The following TMEM161B variants were observed in gnomAD, a reference collection of about 807,000 sequenced individuals.
TMEM161B encodes the protein transmembrane protein 161B.
Under a neutral mutation model 61.8 loss-of-function variants are expected in TMEM161B, and 34 were observed. The observed-to-expected ratio is 0.55, with a 90% CI of 0.42 to 0.73. The LOEUF is 0.73. TMEM161B is among the 30% of genes least tolerant of loss of function. TMEM161B has a pLI of 0.00. For synonymous variants in TMEM161B, 167 were observed against 192.8 expected, an observed-to-expected ratio of 0.87 and a Z score of 1.11; for missense variants, 456 against 558.5, an observed-to-expected ratio of 0.82 and a Z score of 1.85.
At chr5:88,197,919 C>A in intron 10 of TMEM161B, 154 bp from the exon 11 acceptor site, 1 of 505,112 alleles carries the variant, frequency 2.0e-6, no homozygotes. Flanking sequence ...GATACATGTC[C>A]CCAAAATGAC....
At chr5:88,224,959 G>GTTTTTTTTTT (rs202011902) in intron 4 of TMEM161B, among the ~76,000 whole-genome samples, 6 of 101,202 alleles carry the variant, frequency 5.9e-5, no homozygotes, top group African/African-American at 7.7e-5. Context: ...CACAAAATAT[G>GTTTTTTTTTT]TTTTTGTTTT....
At chr5:88,238,759 A>T (rs554778030) in intron 2 of TMEM161B, among the ~76,000 whole-genome samples, 1 of 152,164 alleles carries the variant, frequency 6.6e-6, no homozygotes, top group Admixed American at 6.6e-5. Flanking sequence ...AAGGCTCATA[A>T]AATAATAATT....
downstream of TMEM161B, among the ~76,000 whole-genome samples, chr5:88,192,012 ATATATATATATAT>A (rs1299875212): frequency 1.1e-5 from 1 of 94,022 alleles, no homozygotes; most frequent in Non-Finnish European, 2.0e-5. Context: ...ATATATATAT[ATATATATATATAT>A]ATGTATATAG....
At position 88,199,025 on chromosome 5, in the gene TMEM161B, T is replaced by G. The variant is rs1293899510; in HGVS notation, c.1040A>C (p.Gln347Pro). ...TATTCGCCCCGCTTCTTTCTTCATCTGATCCACACATTTTTGGGCTAAATT... is the reference window on the plus strand; with the variant it reads ...TATTCGCCCCGCTTCTTTCTTCATCGGATCCACACATTTTTGGGCTAAATT... ...YLNLAQKCVD[Q>P]MKKEAGRIST... Residue 347 changes from glutamine (Q) to proline (P), a missense_variant, in exon 10 of 12, where the codon CAG becomes CCG. Physicochemically the swap from Gln to Pro is moderately conservative, Grantham distance 76. Around this residue, in one of 3 missense-constraint regions of TMEM161B, gnomAD observed 367 missense variants for 427.3 expected, o/e 0.86. Coordinates refer to ENST00000296595, the MANE Select transcript of TMEM161B (RefSeq NM_153354.5). 6.2e-7 allele frequency: 1 copy of G among 1,613,144 alleles called. No individual in the cohort carries two copies. Among genetic ancestry groups the G allele is most frequent in the African/African-American group, 1.3e-5 (1 of 74,928 alleles).
downstream of TMEM161B, among the ~76,000 whole-genome samples, chr5:88,187,997 T>C (rs959785003): frequency 2.0e-5 from 3 of 152,230 alleles, no homozygotes; most frequent in Non-Finnish European, 4.4e-5. Flanking sequence ...CAATGAACTA[T>C]ATAGAAATAG....
chr5:88,260,745 G>A (rs981022852), intron 1 of TMEM161B, among the ~76,000 whole-genome samples: 4 of 152,168 alleles, frequency 2.6e-5, no homozygotes, highest in African/African-American at 9.7e-5. Context: ...TTTTCACAAA[G>A]TCATTTTTAG....
chr5:88,207,249 G>A, intron 5 of TMEM161B, 69 bp from the exon 6 acceptor site: 1 of 1,390,448 alleles, frequency 7.2e-7, no homozygotes, highest in Non-Finnish European at 9.7e-7. Context: ...ATCTTTATAG[G>A]ACTTGATTGC....
downstream of TMEM161B, among the ~76,000 whole-genome samples, chr5:88,188,694 G>T (rs1748517530): frequency 6.6e-6 from 1 of 152,142 alleles, no homozygotes; most frequent in African/African-American, 2.4e-5. Context: ...ATCCAGCTGG[G>T]AGCGTCAGCA....
At chr5:88,235,739 G>A (rs893313904) in intron 2 of TMEM161B, among the ~76,000 whole-genome samples, 1 of 152,156 alleles carries the variant, frequency 6.6e-6, no homozygotes, top group Non-Finnish European at 1.5e-5. Flanking sequence ...TACTAAAACA[G>A]TCACTAATGA....
chr5:88,191,359 TTTA>T (rs1748830748), downstream of TMEM161B, among the ~76,000 whole-genome samples: 1 of 152,200 alleles, frequency 6.6e-6, no homozygotes, highest in Non-Finnish European at 1.5e-5. Context: ...TTCATCTTAA[TTTA>T]TTGTCTGCAT....
chr5:88,194,332 T>C (rs1435072780), downstream of TMEM161B, among the ~76,000 whole-genome samples: 5 of 152,202 alleles, frequency 3.3e-5, no homozygotes, highest in Non-Finnish European at 7.4e-5. Flanking sequence ...TTTCATTCTT[T>C]TTTTACGGCT....
Position 88,195,376 on chromosome 5 carries a change from T to C in TMEM161B, c.*835A>G, listed in dbSNP as rs935539940. ...AATATATTATATATTTAATATATAA[T>C]ATATATACAATACATACAGGTAGTC... On this transcript the variant is annotated 3_prime_UTR_variant, in exon 12 of 12. Coordinates refer to ENST00000296595, the MANE Select transcript of TMEM161B (RefSeq NM_153354.5). 4.2e-6 allele frequency: 3 copies of C among 720,622 alleles called. No homozygotes were observed. The highest frequency in any genetic ancestry group is 1.3e-4 in the Admixed American group (2 of 15,432). The allele number at this position is 720,622 out of a possible 1,614,324, so 44.6% of individuals were successfully genotyped here. A position where few individuals can be genotyped will look rare whatever the true frequency, so the allele number is the denominator to read the frequency against.
Position 88,240,903 on chromosome 5 carries a change from A to G in TMEM161B, c.17T>C (p.Ile6Thr). The change falls in exon 2 of 12, where the codon ATA (isoleucine) becomes ACA (threonine). Residue 6 changes from isoleucine to threonine, a missense_variant. Ile to Thr is a moderately conservative substitution (Grantham distance 89). Coordinates refer to ENST00000296595, the MANE Select transcript of TMEM161B (RefSeq NM_153354.5). MGVIGIQLVVTMVMAS... is the reference protein window; with the variant it reads MGVIGTQLVVTMVMAS... Reference sequence around the variant, plus strand: ...CATCACCATGGTAACAACCAGCTGTATACCTATCACACCCTGTGTAAAAAA... The same window carrying G: ...CATCACCATGGTAACAACCAGCTGTGTACCTATCACACCCTGTGTAAAAAA... 6.2e-7 allele frequency: 1 copy of G among 1,603,116 alleles called. No homozygotes were observed. Among genetic ancestry groups the G allele is most frequent in the Non-Finnish European group, 8.5e-7 (1 of 1,174,696 alleles).
At chr5:88,205,999 G>A in intron 7 of TMEM161B, 45 bp from the exon 8 acceptor site, 1 of 1,386,572 alleles carries the variant, frequency 7.2e-7, no homozygotes, top group Non-Finnish European at 9.9e-7. Context: ...TTTATAATTA[G>A]CTTTTGAAGA....
chr5:88,217,220 G>C (rs1022089096), intron 5 of TMEM161B, among the ~76,000 whole-genome samples: 1 of 152,156 alleles, frequency 6.6e-6, no homozygotes, highest in Non-Finnish European at 1.5e-5. Flanking sequence ...TCATACCACT[G>C]CACTACAGCC....
At chr5:88,228,133 C>A (rs981234575) in intron 3 of TMEM161B, among the ~76,000 whole-genome samples, 2 of 152,162 alleles carry the variant, frequency 1.3e-5, no homozygotes, top group Admixed American at 6.5e-5. Flanking sequence ...CCCAAACCAA[C>A]TGACGTCTTT....
chr5:88,203,087 T>A lies in TMEM161B; in HGVS notation c.801-12A>T, dbSNP rs1395787131. 6.7e-7 allele frequency: 1 copy of A among 1,491,684 alleles called. No individual in the cohort carries two copies. Among genetic ancestry groups the A allele is most frequent in the East Asian group, 2.3e-5 (1 of 44,082 alleles). The allele number at this position is 1,491,684 out of a possible 1,614,324, so 92.4% of individuals were successfully genotyped here. On this transcript the variant is annotated splice_polypyrimidine_tract_variant and intron_variant, in intron 8 of 11. Transcript: ENST00000296595. The stretch of plus-strand genomic sequence containing the variant: ...TATGAAGTAAAGTTCTGAAAGTACG[T>A]AAGAAATAAATATAAAAATTCAGAA...
At chr5:88,225,203 A>AGG in intron 4 of TMEM161B, among the ~76,000 whole-genome samples, 1 of 152,052 alleles carries the variant, frequency 6.6e-6, no homozygotes, top group Middle Eastern at 3.4e-3. Context: ...TCCTGACCTC[A>AGG]TGATCCGCCC....
At chr5:88,199,393 A>C (rs1743938879) in intron 9 of TMEM161B, 1 of 335,762 alleles carries the variant, frequency 3.0e-6, no homozygotes, top group Admixed American at 4.7e-5. Flanking sequence ...AAAGTAGAGC[A>C]ATACATGAGA....
Sources: gnomAD v4.1 joint callset for allele counts (sites outside exome capture counted in the v4.1 genomes callset) on GRCh38, gnomAD v4.1.1 for gene constraint, gnomAD v4.1.1 regional missense constraint, MANE v1.5 for transcripts, NCBI Gene and HGNC (gene_info 2026-07-23, HGNC 2026-07-21) for gene names.